The following PTK2B variants were observed in gnomAD, a reference collection of about 807,000 sequenced individuals.
PTK2B encodes the protein protein tyrosine kinase 2 beta, also known as protein-tyrosine kinase 2-beta.
Under a neutral mutation model 142.9 loss-of-function variants are expected in PTK2B, and 71 were observed. The observed-to-expected ratio is 0.50, with a 90% CI of 0.41 to 0.61. The LOEUF is 0.61. Ranked by LOEUF, PTK2B falls within the 20% of genes least tolerant of loss-of-function variation. PTK2B has a pLI of 0.00. For missense variants in PTK2B, 1,105 were observed against 1,320.4 expected, an observed-to-expected ratio of 0.84 and a Z score of 2.53; for synonymous variants, 519 against 503.4, an observed-to-expected ratio of 1.03 and a Z score of -0.42.
At chr8:27,318,486 TCTC>T (rs1803139295) in intron 3 of PTK2B, among the ~76,000 whole-genome samples, 1 of 151,790 alleles carries the variant, frequency 6.6e-6, no homozygotes, top group African/African-American at 2.4e-5. Flanking sequence ...ATCAGGGAAG[TCTC>T]CTTTTCCAGG....
intron 1 of PTK2B, among the ~76,000 whole-genome samples, chr8:27,393,776 C>T (rs566800714): frequency 6.6e-6 from 1 of 152,272 alleles, no homozygotes; most frequent in East Asian, 1.9e-4. Context: ...GCTTCCCCCA[C>T]TATCAACATC....
At chr8:27,386,579 G>A (rs917543291) in intron 1 of PTK2B, among the ~76,000 whole-genome samples, 3 of 152,076 alleles carry the variant, frequency 2.0e-5, no homozygotes, top group African/African-American at 7.2e-5. Context: ...TCACACACAG[G>A]TGGCATCCTG....
intron 5 of PTK2B, 123 bp from the exon 6 acceptor site, chr8:27,429,969 TC>T: frequency 1.1e-6 from 1 of 877,392 alleles, no homozygotes; most frequent in Non-Finnish European, 1.9e-6. Context: ...TCTCCTAACT[TC>T]CTTTCTCCTG....
intron 30 of PTK2B, 67 bp downstream of exon 30, chr8:27,454,678 G>A: frequency 5.9e-6 from 9 of 1,521,402 alleles, no homozygotes; most frequent in Admixed American, 1.7e-5. Flanking sequence ...CCTCATTAGA[G>A]GCTCATGATG....
chr8:27,394,977 T>C (rs938863037), intron 1 of PTK2B, among the ~76,000 whole-genome samples: 4 of 152,224 alleles, frequency 2.6e-5, no homozygotes, highest in African/African-American at 9.6e-5. Flanking sequence ...TCAGGGGCAG[T>C]AACAGACATG....
chr8:27,406,749 A>T (rs1808737448), intron 2 of PTK2B, among the ~76,000 whole-genome samples: 1 of 152,102 alleles, frequency 6.6e-6, no homozygotes, highest in Admixed American at 6.5e-5. Flanking sequence ...TGCCAGTGGT[A>T]CCCTGTTGAG....
intron 19 of PTK2B, 86 bp downstream of exon 19, chr8:27,439,217 A>T (rs1323164208): frequency 5.8e-6 from 9 of 1,563,538 alleles, no homozygotes; most frequent in Non-Finnish European, 7.9e-6. Context: ...ACAGTTGGAC[A>T]GCCCAGGCTA....
At chr8:27,430,486 T>G in intron 7 of PTK2B, 68 bp downstream of exon 7, 1 of 1,588,598 alleles carries the variant, frequency 6.3e-7, no homozygotes, top group Non-Finnish European at 8.6e-7. Context: ...GGGATGAGGC[T>G]GGGGCTGGGG....
At position 27,420,883 on chromosome 8, in the gene PTK2B, G is replaced by C. The variant is rs952648922; in HGVS notation, c.471+139G>C. 21 of 768,136 alleles carry C rather than the reference G, an allele frequency of 2.7e-5. No individual in the cohort carries two copies. The Admixed American group carries it at 5.0e-4, about 18-fold the overall frequency. The allele number at this position is 768,136 out of a possible 1,614,324, so 47.6% of individuals were successfully genotyped here. On this transcript the variant is annotated intron_variant, in intron 4 of 30. Transcript: ENST00000346049. Reference sequence around the variant, plus strand: ...AGGCTAGGAAGCTTCTCTTGAAGAAGGTCCTTGGTCTATGGTCCGCGGCTC... The same window carrying C: ...AGGCTAGGAAGCTTCTCTTGAAGAACGTCCTTGGTCTATGGTCCGCGGCTC...
At chr8:27,440,188 G>C (rs893451088) in intron 20 of PTK2B, 49 bp from the exon 21 acceptor site, 1 of 1,574,498 alleles carries the variant, frequency 6.4e-7, no homozygotes, top group Non-Finnish European at 8.7e-7. Flanking sequence ...TTCTGGGTGG[G>C]AGGGACTGGT....
At position 27,360,701 on chromosome 8, in the gene PTK2B, G is replaced by A. The variant is rs1001712103; in HGVS notation, c.-38+35020G>A. ...TACACTGTGAACTACCAAATGACACGTATATTCTGTGAACTTTCAAAAAAG... is the reference window on the plus strand; with the variant it reads ...TACACTGTGAACTACCAAATGACACATATATTCTGTGAACTTTCAAAAAAG... On this transcript the variant is annotated intron_variant, in intron 1 of 30. Coordinates refer to ENST00000346049, the MANE Select transcript of PTK2B (RefSeq NM_173176.3). Among the ~76,000 whole-genome samples, 12 of 152,310 alleles carry A rather than the reference G, an allele frequency of 7.9e-5. No homozygotes were observed. The East Asian group carries it at 2.1e-3, about 27-fold the overall frequency.
chr8:27,451,205 G>A, intron 26 of PTK2B, 127 bp downstream of exon 26: 1 of 1,173,444 alleles, frequency 8.5e-7, no homozygotes, highest in Non-Finnish European at 1.2e-6. Flanking sequence ...GGCTTTCCAT[G>A]TTGGGAGGGT....
At chr8:27,444,890 T>C (rs1811367752) in intron 23 of PTK2B, among the ~76,000 whole-genome samples, 1 of 152,070 alleles carries the variant, frequency 6.6e-6, no homozygotes, top group African/African-American at 2.4e-5. Flanking sequence ...TAATGTCCAT[T>C]TAGTTGGTGC....
At chr8:27,442,447 T>C (rs1477747611) in intron 21 of PTK2B, among the ~76,000 whole-genome samples, 2 of 151,618 alleles carry the variant, frequency 1.3e-5, no homozygotes, top group African/African-American at 4.9e-5. Context: ...CGGGGATGCG[T>C]TGGGGGATGT....
rs376464369 is a variant in PTK2B, at chr8:27,389,149, C to CTT, written c.-37-8395_-37-8394dup. On this transcript the variant is annotated intron_variant, in intron 1 of 30. Coordinates refer to ENST00000346049, the MANE Select transcript of PTK2B (RefSeq NM_173176.3). ...TGTTTTGTTCCGTTTTATCTTTTTTCTTTTTACTGGATTATGATCTAATAG... is the reference window on the plus strand; with the variant it reads ...TGTTTTGTTCCGTTTTATCTTTTTTCTTTTTTTACTGGATTATGATCTAATAG... Among the ~76,000 whole-genome samples, 566 of 152,132 alleles carry CTT rather than the reference C, an allele frequency of 3.7e-3. 5 individuals carry two copies. The highest frequency in any genetic ancestry group is 0.013 in the African/African-American group (527 of 41,494).
At position 27,430,429 on chromosome 8, in the gene PTK2B, C is replaced by T. The variant is rs368342296; in HGVS notation, c.669+11C>T. The T allele has an allele frequency of 2.9e-5, 46 of 1,613,996 alleles. No homozygotes were observed. In the African/African-American group the frequency reaches 4.9e-4, roughly 17 times the overall value. Reference sequence around the variant, plus strand: ...CAGGAGAACTTAAAGGTGAGGAAACCAATGGGCGAGGACCTCTTCGTGCTG... The same window carrying T: ...CAGGAGAACTTAAAGGTGAGGAAACTAATGGGCGAGGACCTCTTCGTGCTG... On this transcript the variant is annotated intron_variant, in intron 7 of 30. Transcript: ENST00000346049.
At chr8:27,454,751 TC>T in intron 30 of PTK2B, 140 bp downstream of exon 30, 1 of 853,560 alleles carries the variant, frequency 1.2e-6, no homozygotes, top group Non-Finnish European at 1.9e-6. Flanking sequence ...ATGTGGCTTA[TC>T]CATCAGCTAC....
chr8:27,384,543 C>A (rs1168038269), intron 1 of PTK2B, among the ~76,000 whole-genome samples: 1 of 152,144 alleles, frequency 6.6e-6, no homozygotes, highest in Non-Finnish European at 1.5e-5. Context: ...CTGATTAGGG[C>A]TTCCTAGAGA....
Position 27,430,124 on chromosome 8 carries a change from C to G in PTK2B, c.583C>G (p.Leu195Val). The G allele has an allele frequency of 6.2e-7, 1 of 1,614,018 alleles. No individual in the cohort carries two copies. The highest frequency in any genetic ancestry group is 8.5e-7 in the Non-Finnish European group (1 of 1,179,892). ...CTTCAAGGATATGCCCCACAATGCA[C>G]TTGACAAGAAGTCCAACTTCGAGCT... ...RFFKDMPHNA[L>V]DKKSNFELLE... Residue 195 changes from leucine to valine, a missense_variant, in exon 6 of 31, where the codon CTT (leucine) becomes GTT (valine). Physicochemically the swap from Leu to Val is conservative, Grantham distance 32. Transcript: ENST00000346049.
Sources: allele counts gnomAD v4.1 joint callset (sites outside exome capture counted in the v4.1 genomes callset), GRCh38; gene constraint gnomAD v4.1.1; transcripts MANE v1.5; gene names NCBI Gene and HGNC (gene_info 2026-07-23, HGNC 2026-07-21).